PTPRD: variants seen among roughly 807,000 people sequenced by gnomAD.
The protein encoded by PTPRD is protein tyrosine phosphatase receptor type D.
Under a neutral mutation model 214.5 loss-of-function variants are expected in PTPRD, and 34 were observed. The ratio of observed to expected loss-of-function variants is 0.16; its 90% CI spans 0.12 to 0.21. The LOEUF is 0.21. Among genes scored for constraint, PTPRD ranks in the 10% least tolerant of loss-of-function variants. PTPRD has a pLI of 1.00. For synonymous variants in PTPRD, 1,128 were observed against 845.7 expected (o/e 1.33, Z -5.79); for missense variants, 2,545 against 2,398.7 (o/e 1.06, Z -1.27).
chr9:8,692,776 C>G (rs2097835860), intron 12 of PTPRD, among the ~76,000 whole-genome samples: 1 of 152,152 alleles, frequency 6.6e-6, no homozygotes, highest in Non-Finnish European at 1.5e-5. Flanking sequence ...ATTTTCCAGA[C>G]TTTTAAGAAC....
intron 3 of PTPRD, among the ~76,000 whole-genome samples, chr9:10,195,247 C>T (rs980461439): frequency 6.6e-6 from 1 of 151,898 alleles, no homozygotes; most frequent in African/African-American, 2.4e-5. Flanking sequence ...TGAGCCTTAA[C>T]ATCTCTATGT....
chr9:9,209,176 A>G (rs1426201599), intron 9 of PTPRD, among the ~76,000 whole-genome samples: 1 of 152,190 alleles, frequency 6.6e-6, no homozygotes, highest in African/African-American at 2.4e-5. Flanking sequence ...AGAGATCTGA[A>G]TCTTACTAAG....
intron 11 of PTPRD, among the ~76,000 whole-genome samples, chr9:8,788,240 T>A (rs566668644): frequency 6.6e-6 from 1 of 150,478 alleles, no homozygotes; most frequent in Non-Finnish European, 1.5e-5. Context: ...ATATTTTTGG[T>A]TCATATAAGA....
At chr9:8,662,941 G>C (rs1418111803) in intron 12 of PTPRD, among the ~76,000 whole-genome samples, 1 of 152,080 alleles carries the variant, frequency 6.6e-6, no homozygotes, top group Non-Finnish European at 1.5e-5. Flanking sequence ...AGTCAGTAGA[G>C]ACACACCAGG....
intron 7 of PTPRD, among the ~76,000 whole-genome samples, chr9:9,661,734 T>A (rs2096625761): frequency 6.6e-6 from 1 of 151,740 alleles, no homozygotes; most frequent in Non-Finnish European, 1.5e-5. Context: ...TGATGTAAGA[T>A]GTTTACATTT....
At chr9:8,614,526 T>C (rs1564729028) in intron 14 of PTPRD, among the ~76,000 whole-genome samples, 2 of 152,152 alleles carry the variant, frequency 1.3e-5, no homozygotes, top group Non-Finnish European at 2.9e-5. Flanking sequence ...GAGAAGATAA[T>C]CACTTAAGTA....
chr9:10,198,210 A>G (rs2099405496), intron 3 of PTPRD, among the ~76,000 whole-genome samples: 1 of 152,146 alleles, frequency 6.6e-6, no homozygotes, highest in Non-Finnish European at 1.5e-5. Context: ...AATTAAAGCT[A>G]TAAGAAGAAC....
intron 14 of PTPRD, among the ~76,000 whole-genome samples, chr9:8,564,264 G>C (rs868353179): frequency 2.0e-5 from 3 of 152,118 alleles, no homozygotes; most frequent in African/African-American, 4.8e-5. Context: ...CAGTGGGTTT[G>C]ACATATTAAA....
intron 12 of PTPRD, among the ~76,000 whole-genome samples, chr9:8,681,094 C>T (rs1411691838): frequency 6.6e-6 from 1 of 152,204 alleles, no homozygotes; most frequent in East Asian, 1.9e-4. Context: ...GTGTCCTCCA[C>T]ATTCTGCCTG....
chr9:8,411,633 T>C (rs965056760), intron 35 of PTPRD, among the ~76,000 whole-genome samples: 3 of 152,166 alleles, frequency 2.0e-5, no homozygotes, highest in African/African-American at 7.2e-5. Context: ...ATGCCAAACA[T>C]TTTCCTGAAT....
chr9:9,677,177 G>A (rs1417358094), intron 7 of PTPRD, among the ~76,000 whole-genome samples: 1 of 151,996 alleles, frequency 6.6e-6, no homozygotes, highest in East Asian at 1.9e-4. Flanking sequence ...ATTGCTTTTT[G>A]GTGTTTTAGA....
chr9:8,747,981 T>C (rs1049565250), intron 11 of PTPRD, among the ~76,000 whole-genome samples: 2 of 152,170 alleles, frequency 1.3e-5, no homozygotes, highest in Non-Finnish European at 2.9e-5. Context: ...GTTCTTCAAA[T>C]GGAGCCACAG....
intron 6 of PTPRD, among the ~76,000 whole-genome samples, chr9:9,762,395 T>A (rs2098666179): frequency 6.6e-6 from 1 of 152,220 alleles, no homozygotes; most frequent in South Asian, 2.1e-4. Flanking sequence ...TTGCTTTTTT[T>A]GCAATATAAA....
At chr9:8,550,799 A>C (rs2140735947) in intron 14 of PTPRD, among the ~76,000 whole-genome samples, 1 of 152,352 alleles carries the variant, frequency 6.6e-6, no homozygotes, top group African/African-American at 2.4e-5. Flanking sequence ...AGAACACCCA[A>C]GGCAGATCCA....
intron 3 of PTPRD, among the ~76,000 whole-genome samples, chr9:10,210,788 A>G (rs1422528087): frequency 2.7e-5 from 3 of 110,328 alleles, no homozygotes; most frequent in Non-Finnish European, 5.7e-5. Flanking sequence ...TATAAAATCA[A>G]AAAACTTCAT....
chr9:8,806,249 G>C (rs1195196489), intron 11 of PTPRD, among the ~76,000 whole-genome samples: 1 of 144,992 alleles, frequency 6.9e-6, no homozygotes, highest in Non-Finnish European at 1.5e-5. Flanking sequence ...TTTTTTGGTG[G>C]GGCGGGGGGG....
chr9:9,511,566 A>G (rs1205476084), intron 8 of PTPRD, among the ~76,000 whole-genome samples: 3 of 151,796 alleles, frequency 2.0e-5, no homozygotes, highest in Non-Finnish European at 4.4e-5. Context: ...ATGAAAATTT[A>G]CAAGTGTCAA....
At chr9:9,040,062 C>G (rs1360844246) in intron 10 of PTPRD, among the ~76,000 whole-genome samples, 2 of 151,744 alleles carry the variant, frequency 1.3e-5, no homozygotes, top group Non-Finnish European at 2.9e-5. Flanking sequence ...AAAAATAAAA[C>G]TAATATTTAT....
intron 12 of PTPRD, among the ~76,000 whole-genome samples, chr9:8,700,152 T>C (rs2098040373): frequency 6.6e-6 from 1 of 152,204 alleles, no homozygotes; most frequent in African/African-American, 2.4e-5. Context: ...TTTTAATCAA[T>C]GCATGTGACA....
Sources: gnomAD v4.1 joint callset for allele counts (sites outside exome capture counted in the v4.1 genomes callset) on GRCh38, gnomAD v4.1.1 for gene constraint, MANE v1.5 for transcripts, NCBI Gene and HGNC (gene_info 2026-07-23, HGNC 2026-07-21) for gene names.